MRTFA: variants seen among roughly 807,000 people sequenced by gnomAD.
MRTFA encodes the protein myocardin related transcription factor A, also known as myocardin-related transcription factor A.
In MRTFA, 20 loss-of-function variants were observed where a neutral mutation model predicts 83.5. The observed-to-expected ratio is 0.24, with a 90% CI of 0.17 to 0.35. MRTFA has a LOEUF of 0.35. Among genes scored for constraint, MRTFA ranks in the 10% least tolerant of loss-of-function variants. The pLI, the probability that MRTFA is intolerant of heterozygous loss-of-function variation, is 1.00. For synonymous variants in MRTFA, 659 were observed against 541.2 expected (o/e 1.22, Z -3.02); for missense variants, 1,200 against 1,224.7 (o/e 0.98, Z 0.30).
intron 3 of MRTFA, among the ~76,000 whole-genome samples, chr22:40,467,949 T>C (rs2053836521): frequency 2.6e-5 from 4 of 151,974 alleles, no homozygotes. Flanking sequence ...ATCAACTGAG[T>C]TGCCTGCCAG....
At chr22:40,473,489 G>A (rs1454274248) in intron 3 of MRTFA, among the ~76,000 whole-genome samples, 1 of 152,082 alleles carries the variant, frequency 6.6e-6, no homozygotes. Flanking sequence ...GTTTCGGATG[G>A]TATTTCCTTA....
At chr22:40,425,866 C>A (rs1979181721) in intron 7 of MRTFA, among the ~76,000 whole-genome samples, 1 of 152,174 alleles carries the variant, frequency 6.6e-6, no homozygotes, top group Non-Finnish European at 1.5e-5. Context: ...AGGGCTGGTA[C>A]AGGCCAGGGT....
chr22:40,523,723 T>C (rs999001723), intron 3 of MRTFA: 1 of 152,174 alleles, frequency 6.6e-6, no homozygotes, highest in Admixed American at 6.6e-5. Flanking sequence ...TTCCAGGTGA[T>C]ACAAAGGCTG....
chr22:40,547,462 G>C (rs1218591864), intron 3 of MRTFA, among the ~76,000 whole-genome samples: 1 of 152,146 alleles, frequency 6.6e-6, no homozygotes, highest in East Asian at 1.9e-4. Context: ...TGAAAGCACA[G>C]CAAGTACAAG....
intron 3 of MRTFA, among the ~76,000 whole-genome samples, chr22:40,496,803 T>C (rs2054362577): frequency 6.7e-6 from 1 of 150,276 alleles, no homozygotes; most frequent in East Asian, 2.0e-4. Context: ...ATAACTACTG[T>C]CTTTATAATA....
chr22:40,467,305 C>A (rs2053826907), intron 3 of MRTFA, among the ~76,000 whole-genome samples: 1 of 152,146 alleles, frequency 6.6e-6, no homozygotes, highest in Non-Finnish European at 1.5e-5. Context: ...AGAATTATGG[C>A]AGTCAACCTA....
intron 3 of MRTFA, among the ~76,000 whole-genome samples, chr22:40,534,102 GTCCAATTACTGACCCATTGA>G (rs2055127490): frequency 6.6e-6 from 1 of 152,216 alleles, no homozygotes; most frequent in South Asian, 2.1e-4. Context: ...GAAAGAAGCA[GTCCAATTACTGACCCATTGA>G]TGAGAGGTGG....
At chr22:40,490,754 TG>T (rs1820783669) in intron 3 of MRTFA, among the ~76,000 whole-genome samples, 1 of 152,116 alleles carries the variant, frequency 6.6e-6, no homozygotes, top group South Asian at 2.1e-4. Flanking sequence ...CAAAGAAATC[TG>T]GAAAACTCAA....
At chr22:40,450,290 G>A (rs891639954) in intron 4 of MRTFA, among the ~76,000 whole-genome samples, 5 of 152,084 alleles carry the variant, frequency 3.3e-5, no homozygotes, top group African/African-American at 9.7e-5. Context: ...TGTACCAAAG[G>A]GTTATTATGA....
At chr22:40,437,434 G>A (rs1210648455) in intron 4 of MRTFA, among the ~76,000 whole-genome samples, 1 of 152,130 alleles carries the variant, frequency 6.6e-6, no homozygotes, top group Non-Finnish European at 1.5e-5. Context: ...TTTCTCCGCA[G>A]CACTCATCAC....
chr22:40,448,346 C>T (rs561697448), intron 4 of MRTFA, among the ~76,000 whole-genome samples: 2 of 151,798 alleles, frequency 1.3e-5, no homozygotes, highest in East Asian at 3.9e-4. Flanking sequence ...TGGTGGCACA[C>T]CCCTGTGATC....
At chr22:40,480,244 T>G (rs2054065165) in intron 3 of MRTFA, among the ~76,000 whole-genome samples, 1 of 152,002 alleles carries the variant, frequency 6.6e-6, no homozygotes, top group African/African-American at 2.4e-5. Context: ...CTCTCTTTTC[T>G]CATAAAACAC....
Position 40,416,054 on chromosome 22 carries a change from T to G in MRTFA, c.2578+932A>C, listed in dbSNP as rs545434758. Among the ~76,000 whole-genome samples the G allele has an allele frequency of 6.6e-6, 1 of 152,290 alleles. No homozygotes were observed. Among genetic ancestry groups the G allele is most frequent in the African/African-American group, 2.4e-5 (1 of 41,566 alleles). On this transcript the variant is annotated intron_variant, in intron 14 of 14. Coordinates refer to ENST00000355630, the MANE Select transcript of MRTFA (RefSeq NM_020831.6). The surrounding 1 kb of genome is among the most constrained non-coding windows in gnomAD (Gnocchi z 4.2). ...CTCACAAATGCCACTTGATGTCAAC[T>G]GTCCCTGTGAACCCTCCATTCGGTC...
intron 3 of MRTFA, among the ~76,000 whole-genome samples, chr22:40,546,072 AAAG>A (rs1341111012): frequency 1.3e-5 from 2 of 152,228 alleles, no homozygotes; most frequent in Non-Finnish European, 2.9e-5. Context: ...GAAACAGATC[AAAG>A]AAGTACATTT....
intron 3 of MRTFA, among the ~76,000 whole-genome samples, chr22:40,497,206 G>C (rs2054370516): frequency 6.6e-6 from 1 of 152,184 alleles, no homozygotes. Flanking sequence ...AGTTAGAGAA[G>C]GCCTCCAGGA....
In MRTFA at chr22:40,607,154, C is replaced by G. The variant is rs376460036; in HGVS notation, c.-83-12419G>C. The stretch of plus-strand genomic sequence containing the variant: ...GCTGGGTGAAGCCATAACCTCCTTG[C>G]CCTCAAAGCCCAGCCAGAATGAGTT... On this transcript the variant is annotated intron_variant, in intron 1 of 14. Transcript: ENST00000355630. Among the ~76,000 whole-genome samples the G allele has an allele frequency of 1.3e-3, 201 of 152,276 alleles. 2 individuals are homozygous for G. Among genetic ancestry groups the G allele is most frequent in the African/African-American group, 4.7e-3 (197 of 41,556 alleles).
intron 4 of MRTFA, among the ~76,000 whole-genome samples, chr22:40,460,399 T>A (rs1051579553): frequency 2.0e-5 from 3 of 152,238 alleles, no homozygotes; most frequent in African/African-American, 7.2e-5. Flanking sequence ...CTACAGGTCC[T>A]GAGAAGTAGC....
intron 1 of MRTFA, among the ~76,000 whole-genome samples, chr22:40,623,009 T>C (rs1166622880): frequency 6.6e-6 from 1 of 152,202 alleles, no homozygotes; most frequent in East Asian, 1.9e-4. Flanking sequence ...GATTCTTTCC[T>C]GAGTAACTAG....
chr22:40,629,685 A>G (rs1476464111), intron 1 of MRTFA, among the ~76,000 whole-genome samples: 1 of 148,278 alleles, frequency 6.7e-6, no homozygotes, highest in Non-Finnish European at 1.5e-5. Context: ...CTAAGGCAGG[A>G]GAATTGCTTG....
Sources: allele counts gnomAD v4.1 joint callset (sites outside exome capture counted in the v4.1 genomes callset), GRCh38; gene constraint gnomAD v4.1.1; non-coding constraint Gnocchi (gnomAD v3.1); transcripts MANE v1.5; gene names NCBI Gene and HGNC (gene_info 2026-07-23, HGNC 2026-07-21).